The following PRKDC variants were observed in gnomAD, a reference collection of about 807,000 sequenced individuals.
PRKDC encodes protein kinase, DNA-activated, catalytic subunit.
PRKDC carries 82 observed loss-of-function variants against 486.9 expected under a neutral mutation model. The observed-to-expected ratio is 0.17, with a 90% confidence interval of 0.14 to 0.20. PRKDC has a LOEUF of 0.20. Among genes scored for constraint, PRKDC ranks in the 10% least tolerant of loss-of-function variants. The pLI, the probability that PRKDC is intolerant of heterozygous loss-of-function variation, is 1.00. For synonymous variants in PRKDC, 1,895 were observed against 1,837.0 expected, an observed-to-expected ratio of 1.03 and a Z score of -0.81; for missense variants, 4,504 against 5,038.2, an observed-to-expected ratio of 0.89 and a Z score of 3.21.
chr8:47,917,713 T>C (rs994885148), intron 22 of PRKDC, among the ~76,000 whole-genome samples: 1 of 152,234 alleles, frequency 6.6e-6, no homozygotes, highest in Admixed American at 6.5e-5. Flanking sequence ...GGTATCAGTA[T>C]TCTGACTTGC....
intron 64 of PRKDC, among the ~76,000 whole-genome samples, chr8:47,822,290 A>G (rs1420626871): frequency 7.0e-6 from 1 of 142,476 alleles, no homozygotes; most frequent in Non-Finnish European, 1.6e-5. Flanking sequence ...TTTAAGAGAG[A>G]AAAAAAAAAA....
intron 15 of PRKDC, 102 bp from the exon 16 acceptor site, chr8:47,933,274 G>T (rs1386036332): frequency 1.8e-5 from 18 of 975,790 alleles, no homozygotes; most frequent in Non-Finnish European, 7.1e-6. Context: ...GCCGGTTTGG[G>T]TATTATGGAA....
Position 47,886,052 on chromosome 8 carries a change from C to T in PRKDC, c.4668G>A (p.Gly1556=). ...CTGAGAACAAGCTATAGAAATACTC[C>T]CCATGGGAGAAGTGGATGACGCTGC... is the stretch of plus-strand genomic sequence containing the variant. ...SQGSVIHFSH[G]EYFYSLFSET... The change falls in exon 36 of 86, where the codon GGG becomes GGA. Residue 1556 remains glycine (G), a synonymous_variant. Transcript: ENST00000314191. 1 of 1,613,684 alleles carries T rather than the reference C, an allele frequency of 6.2e-7. No individual in the cohort carries two copies. The highest frequency in any genetic ancestry group is 8.5e-7 in the Non-Finnish European group (1 of 1,179,882).
rs765831612 is a variant in PRKDC, at chr8:47,837,317, C to T, written c.7656G>A (p.Val2552=). 24 of 1,613,126 alleles carry T rather than the reference C, an allele frequency of 1.5e-5. No homozygotes were observed. The highest frequency in any genetic ancestry group is 3.3e-5 in the Admixed American group (2 of 59,996). The change falls in exon 57 of 86, where the codon GTG becomes GTA. Residue 2552 remains valine, a synonymous_variant. Coordinates refer to ENST00000314191, the MANE Select transcript of PRKDC (RefSeq NM_006904.7). ...AATTTGTTGCTAAACTTAAAAAGTGCACTTCTATCTTAGGAGAATATAAGG... is the reference window on the plus strand; with the variant it reads ...AATTTGTTGCTAAACTTAAAAAGTGTACTTCTATCTTAGGAGAATATAAGG... ...LNSLYSPKIE[V]HFLSLATNFL... is the part of the protein sequence containing the mutation.
Position 47,955,889 on chromosome 8 carries a change from C to G in PRKDC, c.384G>C (p.Leu128=). The G allele has an allele frequency of 6.2e-7, 1 of 1,600,974 alleles. No homozygotes were observed. Among genetic ancestry groups the G allele is most frequent in the Non-Finnish European group, 8.5e-7 (1 of 1,170,056 alleles). Residue 128 remains leucine (L), a synonymous_variant, in exon 4 of 86, where the codon CTG becomes CTC. Transcript: ENST00000314191. Reference sequence around the variant, plus strand: ...ACATAATTACCTTAATAAGAAGGTCCAGGGCTGGAATTTTACATTTAGCAG... The same window carrying G: ...ACATAATTACCTTAATAAGAAGGTCGAGGGCTGGAATTTTACATTTAGCAG... ...DRAAKCKIPA[L]DLLIKLLQTF... is the part of the protein sequence containing the mutation.
At chr8:47,947,863 G>A (rs1176834520) in intron 7 of PRKDC, among the ~76,000 whole-genome samples, 2 of 151,990 alleles carry the variant, frequency 1.3e-5, no homozygotes, top group Non-Finnish European at 2.9e-5. Flanking sequence ...AGCCAAGATC[G>A]CGCCACTGCA....
At chr8:47,833,697 T>G (rs1472627929) in intron 59 of PRKDC, among the ~76,000 whole-genome samples, 1 of 152,152 alleles carries the variant, frequency 6.6e-6, no homozygotes, top group Non-Finnish European at 1.5e-5. Flanking sequence ...TACTCTAGCA[T>G]GCCCCGAAGC....
chr8:47,774,071 C>T lies in PRKDC; in HGVS notation c.*102G>A, dbSNP rs576432174. 1.7e-6 allele frequency: 2 copies of T among 1,203,144 alleles called. No homozygotes were observed. The highest frequency in any genetic ancestry group is 1.6e-5 in the South Asian group (1 of 60,736). The allele number at this position is 1,203,144 out of a possible 1,614,324, so 74.5% of individuals were successfully genotyped here. On this transcript the variant is annotated 3_prime_UTR_variant, in exon 86 of 86. Coordinates refer to ENST00000314191, the MANE Select transcript of PRKDC (RefSeq NM_006904.7). ...AAACTGTAGCACAAAAGACATTTCT[C>T]TTTAGTGTTTCAGGAAAATCAGCTC...
rs539858376 is a variant in PRKDC, at chr8:47,822,561, C to A, written c.8923-769G>T. Among the ~76,000 whole-genome samples, 9 of 152,200 alleles carry A rather than the reference C, an allele frequency of 5.9e-5. No individual in the cohort carries two copies. In the East Asian group the frequency reaches 1.2e-3, roughly 20 times the overall value. On this transcript the variant is annotated intron_variant, in intron 64 of 85. Coordinates refer to ENST00000314191, the MANE Select transcript of PRKDC (RefSeq NM_006904.7). ...ATCCCAGCACTTTGGGAGGCCGAGG[C>A]GGGCGGATCACAAGGTCAGGAGATC... is the stretch of plus-strand genomic sequence containing the variant.
intron 11 of PRKDC, 58 bp from the exon 12 acceptor site, chr8:47,936,575 T>C (rs1184441619): frequency 1.3e-6 from 2 of 1,577,674 alleles, no homozygotes; most frequent in African/African-American, 1.4e-5. Flanking sequence ...AAATAATATT[T>C]AAGGTGTCAT....
chr8:47,840,804 G>A (rs2088123477), intron 54 of PRKDC, among the ~76,000 whole-genome samples: 1 of 152,158 alleles, frequency 6.6e-6, no homozygotes, highest in Non-Finnish European at 1.5e-5. Context: ...TTAGGACAGT[G>A]ACATACATTT....
intron 35 of PRKDC, among the ~76,000 whole-genome samples, 200 bp from the exon 36 acceptor site, chr8:47,886,347 T>C (rs2089331252): frequency 6.6e-6 from 1 of 152,196 alleles, no homozygotes; most frequent in South Asian, 2.1e-4. Flanking sequence ...GGGAAAGAAA[T>C]CTTCCTTGAC....
At chr8:47,904,253 T>G (rs2089733195) in intron 26 of PRKDC, among the ~76,000 whole-genome samples, 2 of 152,068 alleles carry the variant, frequency 1.3e-5, no homozygotes, top group Non-Finnish European at 2.9e-5. Flanking sequence ...ACTCAGAAAT[T>G]CTTCTTATTC....
At chr8:47,846,766 T>G (rs1374838751) in intron 54 of PRKDC, among the ~76,000 whole-genome samples, 1 of 152,144 alleles carries the variant, frequency 6.6e-6, no homozygotes, top group Non-Finnish European at 1.5e-5. Flanking sequence ...CTAAAGACTC[T>G]GACAAAACGT....
chr8:47,827,888 T>C (rs987499864), intron 62 of PRKDC, among the ~76,000 whole-genome samples: 1 of 152,126 alleles, frequency 6.6e-6, no homozygotes. Flanking sequence ...GACAACTAAA[T>C]AAATGAAGGG....
chr8:47,819,011 TCAGGGGCACCA>T (rs1204201060), intron 67 of PRKDC, among the ~76,000 whole-genome samples: 3 of 152,084 alleles, frequency 2.0e-5, no homozygotes, highest in African/African-American at 7.2e-5. Flanking sequence ...AGCGTGCACC[TCAGGGGCACCA>T]CAGCTTTCCG....
intron 68 of PRKDC, among the ~76,000 whole-genome samples, chr8:47,809,217 T>A (rs559919496): frequency 6.6e-6 from 1 of 152,156 alleles, no homozygotes; most frequent in Admixed American, 6.5e-5. Context: ...CTTTTTCCTC[T>A]TTTTTTGTTA....
intron 24 of PRKDC, 67 bp downstream of exon 24, chr8:47,913,834 T>C: frequency 7.1e-7 from 1 of 1,413,998 alleles, no homozygotes; most frequent in South Asian, 1.7e-5. Flanking sequence ...GTTCTCTATA[T>C]CCTAAGCAAT....
intron 23 of PRKDC, among the ~76,000 whole-genome samples, chr8:47,914,919 T>C (rs1335312106): frequency 6.6e-6 from 1 of 152,096 alleles, no homozygotes; most frequent in Non-Finnish European, 1.5e-5. Flanking sequence ...CCTCCCAAAG[T>C]GCTGGAATTA....
Sources: allele counts gnomAD v4.1 joint callset (sites outside exome capture counted in the v4.1 genomes callset), GRCh38; gene constraint gnomAD v4.1.1; transcripts MANE v1.5; gene names NCBI Gene and HGNC (gene_info 2026-07-23, HGNC 2026-07-21).